Variants in AGMO observed in about 807,000 individuals in gnomAD.
AGMO encodes glyceryl-ether monooxygenase.
A neutral mutation model predicts 60.2 loss-of-function variants in AGMO; 75 were observed. The observed-to-expected ratio is 1.25, with a 90% CI of 1.03 to 1.51. AGMO has a LOEUF of 1.51. AGMO is among the 40% of genes most tolerant of loss of function. The pLI is 0.00. For synonymous variants in AGMO, 261 were observed against 177.1 expected (o/e 1.47, Z -3.76); for missense variants, 763 against 525.5 (o/e 1.45, Z -4.42).
intron 12 of AGMO, among the ~76,000 whole-genome samples, chr7:15,283,802 G>T (rs115248030): frequency 0.014 from 2,111 of 151,986 alleles, 44 homozygotes; most frequent in African/African-American, 0.049. Context: ...ACATGGAGCA[G>T]TCTCCAAGAT....
chr7:15,495,411 G>A lies in AGMO; in HGVS notation c.409+49361C>T, dbSNP rs1221935746. Among the ~76,000 whole-genome samples, 3 of 152,078 alleles carry A rather than the reference G, an allele frequency of 2.0e-5. No individual in the cohort carries two copies. In the East Asian group the frequency reaches 5.8e-4, roughly 29 times the overall value. ...GTGTTTCTGATTCATTGACTCGTAT[G>A]CCATCAAAGTACTGTTGCTTAGAAT... On this transcript the variant is annotated intron_variant, in intron 3 of 12. Transcript: ENST00000342526.
At chr7:15,132,200 A>T in the AGMO span, among the ~76,000 whole-genome samples, 1 of 152,148 alleles carries the variant, frequency 6.6e-6, no homozygotes, top group Non-Finnish European at 1.5e-5. Flanking sequence ...ATATTAGAGG[A>T]GTATAAAAAG....
the AGMO span, among the ~76,000 whole-genome samples, chr7:15,143,801 G>A: frequency 1.5e-4 from 23 of 151,814 alleles, no homozygotes; most frequent in African/African-American, 4.8e-4. Context: ...TGGAAGGAAT[G>A]ATGGTGAGAT....
At chr7:15,147,184 C>A in the AGMO span, among the ~76,000 whole-genome samples, 1 of 151,998 alleles carries the variant, frequency 6.6e-6, no homozygotes, top group Non-Finnish European at 1.5e-5. Context: ...GTGGGAGGGG[C>A]AGTCAATGGC....
chr7:15,512,309 G>A (rs768278562), intron 3 of AGMO, among the ~76,000 whole-genome samples: 7 of 152,152 alleles, frequency 4.6e-5, no homozygotes, highest in Non-Finnish European at 8.8e-5. Flanking sequence ...AGGCTGGAGT[G>A]CAGAGGCGCC....
intron 5 of AGMO, among the ~76,000 whole-genome samples, chr7:15,401,289 C>G (rs1305156613): frequency 6.6e-6 from 1 of 152,118 alleles, no homozygotes; most frequent in South Asian, 2.1e-4. Flanking sequence ...TTATTCTATT[C>G]TATATAATTC....
chr7:15,139,702 C>G, the AGMO span, among the ~76,000 whole-genome samples: 2 of 150,418 alleles, frequency 1.3e-5, no homozygotes, highest in African/African-American at 4.9e-5. Flanking sequence ...ATTGCTGGGT[C>G]ATTTGGTATA....
At chr7:15,153,181 ATTGT>A in the AGMO span, among the ~76,000 whole-genome samples, 2 of 52,682 alleles carry the variant, frequency 3.8e-5, no homozygotes, top group Non-Finnish European at 8.8e-5. Flanking sequence ...TTTTGATAGG[ATTGT>A]TTTTTTTTTT....
At chr7:15,320,858 T>C (rs761628126) in intron 12 of AGMO, among the ~76,000 whole-genome samples, 23 of 152,202 alleles carry the variant, frequency 1.5e-4, no homozygotes, top group Non-Finnish European at 3.1e-4. Context: ...TTCAAATATA[T>C]GTTACATTTG....
chr7:15,186,641 T>C, the AGMO span, among the ~76,000 whole-genome samples: 2 of 152,220 alleles, frequency 1.3e-5, no homozygotes, highest in African/African-American at 4.8e-5. Context: ...TTCTATTTCA[T>C]GACATTTAAA....
chr7:15,395,540 CG>C, intron 5 of AGMO, among the ~76,000 whole-genome samples: 1 of 151,926 alleles, frequency 6.6e-6, no homozygotes. Flanking sequence ...ATTTGTTTAG[CG>C]TTGTATAACT....
intron 4 of AGMO, among the ~76,000 whole-genome samples, chr7:15,422,098 A>G (rs1326003469): frequency 6.6e-6 from 1 of 152,144 alleles, no homozygotes. Context: ...GCAGAACAGT[A>G]GGCCTAGAAT....
chr7:15,281,472 T>A (rs1783962716), intron 12 of AGMO, among the ~76,000 whole-genome samples: 1 of 151,910 alleles, frequency 6.6e-6, no homozygotes, highest in Admixed American at 6.6e-5. Flanking sequence ...AAATCAACAT[T>A]CCTGTAGATG....
At chr7:15,274,587 T>C (rs1783722874) in intron 12 of AGMO, among the ~76,000 whole-genome samples, 1 of 152,094 alleles carries the variant, frequency 6.6e-6, no homozygotes, top group Non-Finnish European at 1.5e-5. Context: ...ATACTGCTTT[T>C]ATAAAATCAG....
intron 2 of AGMO, among the ~76,000 whole-genome samples, chr7:15,553,682 G>A (rs1197482299): frequency 1.3e-5 from 2 of 151,842 alleles, no homozygotes; most frequent in African/African-American, 4.8e-5. Flanking sequence ...ACAGACTGAA[G>A]GTCCTAGAAA....
the AGMO span, among the ~76,000 whole-genome samples, chr7:15,187,041 A>G: frequency 6.6e-6 from 1 of 152,214 alleles, no homozygotes; most frequent in Non-Finnish European, 1.5e-5. Flanking sequence ...AGCCATGTAA[A>G]TGGTTTATAA....
intron 12 of AGMO, among the ~76,000 whole-genome samples, chr7:15,262,503 C>A (rs7357101): frequency 6.6e-6 from 1 of 151,748 alleles, no homozygotes; most frequent in Non-Finnish European, 1.5e-5. Flanking sequence ...CCCATGCTCA[C>A]GGGTAGAATC....
chr7:15,148,443 T>C, the AGMO span, among the ~76,000 whole-genome samples: 93 of 152,252 alleles, frequency 6.1e-4, no homozygotes, highest in African/African-American at 2.1e-3. Flanking sequence ...GTAGTGAGCA[T>C]GGTACCCTGT....
chr7:15,196,844 T>A (rs1174265952), downstream of AGMO, among the ~76,000 whole-genome samples: 2 of 152,144 alleles, frequency 1.3e-5, no homozygotes, highest in Non-Finnish European at 2.9e-5. Context: ...GCCTGGGTGG[T>A]TGAAAATGTT....
Sources: gnomAD v4.1 joint callset for allele counts (sites outside exome capture counted in the v4.1 genomes callset) on GRCh38, gnomAD v4.1.1 for gene constraint, MANE v1.5 for transcripts, NCBI Gene and HGNC (gene_info 2026-07-23, HGNC 2026-07-21) for gene names.